The following TMEM266 variants were observed in gnomAD, a reference collection of about 807,000 sequenced individuals.
TMEM266 encodes transmembrane protein 266.
In TMEM266, 33 loss-of-function variants were observed where a neutral mutation model predicts 50.5. That is an observed-to-expected ratio of 0.65 (90% CI 0.50 to 0.87). The LOEUF (loss-of-function observed/expected upper bound fraction) is 0.87. Ranked by LOEUF, TMEM266 falls within the 40% of genes least tolerant of loss-of-function variation. TMEM266 has a pLI of 0.00. For synonymous variants in TMEM266, 310 were observed against 292.3 expected (o/e 1.06, Z -0.62); for missense variants, 655 against 695.1 (o/e 0.94, Z 0.65).
At chr15:76,077,668 A>G (rs1483967289) in intron 1 of TMEM266, among the ~76,000 whole-genome samples, 1 of 152,082 alleles carries the variant, frequency 6.6e-6, no homozygotes, top group African/African-American at 2.4e-5. Flanking sequence ...GACCGTGGAT[A>G]CAGAGACTGG....
At chr15:76,201,111 C>T (rs1326803407) in intron 9 of TMEM266, among the ~76,000 whole-genome samples, 1 of 152,098 alleles carries the variant, frequency 6.6e-6, no homozygotes, top group African/African-American at 2.4e-5. Flanking sequence ...GGAGGGAGGA[C>T]AGCCCTCAGC....
chr15:76,080,358 T>C, intron 1 of TMEM266, among the ~76,000 whole-genome samples: 1 of 11,006 alleles, frequency 9.1e-5, no homozygotes, highest in African/African-American at 3.8e-4. Context: ...GTCAAGCGAT[T>C]CTCCTGCCTC....
At chr15:76,106,131 G>A (rs1031212029) in intron 1 of TMEM266, among the ~76,000 whole-genome samples, 2 of 152,066 alleles carry the variant, frequency 1.3e-5, no homozygotes, top group African/African-American at 4.8e-5. Flanking sequence ...CACTGTTTCT[G>A]TGTTCCCCTC....
At chr15:76,200,832 C>A (rs1437152919) in intron 9 of TMEM266, among the ~76,000 whole-genome samples, 1 of 152,184 alleles carries the variant, frequency 6.6e-6, no homozygotes, top group Non-Finnish European at 1.5e-5. Flanking sequence ...CGGGGCCCTC[C>A]CTCAACCCCA....
At chr15:76,183,434 T>C (rs1316362869) in intron 8 of TMEM266, among the ~76,000 whole-genome samples, 1 of 152,128 alleles carries the variant, frequency 6.6e-6, no homozygotes, top group African/African-American at 2.4e-5. Flanking sequence ...TTCCTCCAAG[T>C]CCTCGGAGTC....
intron 1 of TMEM266, among the ~76,000 whole-genome samples, chr15:76,064,098 C>T (rs1282708545): frequency 2.0e-5 from 3 of 152,240 alleles, no homozygotes; most frequent in Non-Finnish European, 2.9e-5. Flanking sequence ...GAAGAACTTC[C>T]AAAGGAGACT....
intron 1 of TMEM266, among the ~76,000 whole-genome samples, chr15:76,125,259 G>A (rs1202509692): frequency 6.6e-6 from 1 of 152,024 alleles, no homozygotes; most frequent in East Asian, 1.9e-4. Flanking sequence ...CAAAACCTCA[G>A]GCAACAAAAG....
At chr15:76,094,902 C>T (rs1191847214) in intron 1 of TMEM266, among the ~76,000 whole-genome samples, 3 of 151,708 alleles carry the variant, frequency 2.0e-5, no homozygotes, top group African/African-American at 7.3e-5. Context: ...TCACTCATGA[C>T]TTGGCTGTGT....
At chr15:76,100,826 G>A (rs1233296804) in intron 1 of TMEM266, among the ~76,000 whole-genome samples, 1 of 152,170 alleles carries the variant, frequency 6.6e-6, no homozygotes, top group Non-Finnish European at 1.5e-5. Flanking sequence ...TTAGATCATT[G>A]TGTTCAACCC....
chr15:76,118,450 T>C (rs2037286629), intron 1 of TMEM266, among the ~76,000 whole-genome samples: 1 of 152,112 alleles, frequency 6.6e-6, no homozygotes, highest in Non-Finnish European at 1.5e-5. Flanking sequence ...TCCCAGCAAC[T>C]CGGGAGGCTA....
intron 1 of TMEM266, among the ~76,000 whole-genome samples, chr15:76,126,010 C>A (rs1489385292): frequency 6.6e-6 from 1 of 152,006 alleles, no homozygotes; most frequent in African/African-American, 2.4e-5. Context: ...GAGATATCAC[C>A]TCACACCTTT....
chr15:76,152,636 A>G (rs753291436), intron 3 of TMEM266, among the ~76,000 whole-genome samples: 7 of 152,182 alleles, frequency 4.6e-5, no homozygotes, highest in Non-Finnish European at 8.8e-5. Flanking sequence ...TATTTAGTGT[A>G]CATTTCAACC....
intron 1 of TMEM266, among the ~76,000 whole-genome samples, chr15:76,110,454 C>T (rs564421143): frequency 4.5e-4 from 68 of 152,234 alleles, no homozygotes; most frequent in African/African-American, 1.4e-3. Flanking sequence ...TTAAGCTCAT[C>T]GGCTACCTTT....
rs575764254 is a variant in TMEM266, at chr15:76,169,313, C to T, written c.457-503C>T. Among the ~76,000 whole-genome samples, 15 of 152,088 alleles carry T rather than the reference C, an allele frequency of 9.9e-5. No individual in the cohort carries two copies. In the South Asian group the frequency reaches 1.5e-3, roughly 15 times the overall value. On this transcript the variant is annotated intron_variant, in intron 5 of 10. Transcript: ENST00000388942. ...CCATGCTGGAGCTTCAGTTATTGTA[C>T]AGGAAGGAGGGAGGAGATTTGGGGT...
intron 1 of TMEM266, among the ~76,000 whole-genome samples, chr15:76,105,105 G>C (rs960713027): frequency 6.6e-6 from 1 of 152,044 alleles, no homozygotes; most frequent in African/African-American, 2.4e-5. Flanking sequence ...AATTAGCTGG[G>C]CGTGGTGGCG....
At chr15:76,140,276 C>T (rs182229310) in intron 3 of TMEM266, among the ~76,000 whole-genome samples, 15 of 152,240 alleles carry the variant, frequency 9.9e-5, no homozygotes, top group Admixed American at 8.5e-4. Flanking sequence ...GGCACAGGAC[C>T]GGAGCCAGGG....
At chr15:76,141,903 A>C (rs2037685426) in intron 3 of TMEM266, among the ~76,000 whole-genome samples, 1 of 152,222 alleles carries the variant, frequency 6.6e-6, no homozygotes, top group South Asian at 2.1e-4. Context: ...TCCATGTTGT[A>C]GCATGTGTCA....
At chr15:76,070,028 C>T (rs2036513559) in intron 1 of TMEM266, among the ~76,000 whole-genome samples, 1 of 151,690 alleles carries the variant, frequency 6.6e-6, no homozygotes, top group Non-Finnish European at 1.5e-5. Flanking sequence ...TTGAATATTC[C>T]TAATATTGAA....
chr15:76,199,382 T>C (rs1338885123), intron 9 of TMEM266, among the ~76,000 whole-genome samples: 2 of 152,226 alleles, frequency 1.3e-5, no homozygotes, highest in African/African-American at 2.4e-5. Flanking sequence ...AATACCTTGA[T>C]AGACTGAGCC....
Sources: gnomAD v4.1 joint callset for allele counts (sites outside exome capture counted in the v4.1 genomes callset) on GRCh38, gnomAD v4.1.1 for gene constraint, MANE v1.5 for transcripts, NCBI Gene and HGNC (gene_info 2026-07-23, HGNC 2026-07-21) for gene names.